RAET1L: variants seen among roughly 807,000 people sequenced by gnomAD.
RAET1L encodes the protein UL16-binding protein 6.
RAET1L carries 16 observed loss-of-function variants against 23.9 expected under a neutral mutation model. The observed-to-expected ratio is 0.67, with a 90% CI of 0.45 to 1.02. RAET1L has a LOEUF of 1.02. Among genes scored for constraint, RAET1L ranks in the 50% least tolerant of loss-of-function variants. The pLI is 0.00. For missense variants in RAET1L, 233 were observed against 304.0 expected, an observed-to-expected ratio of 0.77 and a Z score of 1.74; for synonymous variants, 70 against 111.2, an observed-to-expected ratio of 0.63 and a Z score of 2.33.
intron 2 of RAET1L, among the ~76,000 whole-genome samples, 175 bp downstream of exon 2, chr6:150,021,805 G>A (rs890899204): frequency 2.6e-5 from 4 of 151,912 alleles, no homozygotes; most frequent in African/African-American, 9.7e-5. Context: ...ATGTTGGTCA[G>A]GCGGTCTCGA....
intron 3 of RAET1L, among the ~76,000 whole-genome samples, chr6:150,020,649 G>A (rs1261332411): frequency 6.6e-6 from 1 of 152,152 alleles, no homozygotes; most frequent in East Asian, 1.9e-4. Flanking sequence ...GACACCTGCA[G>A]TTTCAAGGCT....
intron 1 of RAET1L, among the ~76,000 whole-genome samples, chr6:150,023,503 C>T (rs1374705197): frequency 6.6e-6 from 1 of 152,134 alleles, no homozygotes; most frequent in Non-Finnish European, 1.5e-5. Context: ...ATATTTATGG[C>T]CAATAGAGTT....
At chr6:150,019,231 G>GATGTT (rs1779857757) in intron 4 of RAET1L, among the ~76,000 whole-genome samples, 2 of 152,212 alleles carry the variant, frequency 1.3e-5, no homozygotes, top group African/African-American at 2.4e-5. Context: ...GGCCTTTGGT[G>GATGTT]GGCCTGCAGG....
At chr6:150,019,941 C>A (rs1237351053) in intron 4 of RAET1L, among the ~76,000 whole-genome samples, 167 bp downstream of exon 4, 1 of 122,184 alleles carries the variant, frequency 8.2e-6, no homozygotes, top group Admixed American at 7.9e-5. Context: ...CTGCCCAGGT[C>A]ATTGCCAACA....
At position 150,018,443 on chromosome 6, in the gene RAET1L, C is replaced by A. The variant is rs1490086830; in HGVS notation, c.*435G>T. The A allele has an allele frequency of 6.6e-6, 1 of 152,224 alleles. No individual in the cohort carries two copies. The highest frequency in any genetic ancestry group is 2.4e-5 in the African/African-American group (1 of 41,464). 9.4% of individuals were successfully genotyped at this position (152,224 alleles called of 1,614,324 possible). ...TCTTATTAAATAATTAAACAATTCT[C>A]TTTCAGGACATGGAAAGAATCCCTG... On this transcript the variant is annotated 3_prime_UTR_variant, in exon 5 of 5. Transcript: ENST00000367341.
chr6:150,019,716 G>T (rs1779863501), intron 4 of RAET1L, among the ~76,000 whole-genome samples: 1 of 143,592 alleles, frequency 7.0e-6, no homozygotes. Flanking sequence ...CTCATGTAAA[G>T]CTACCATGAT....
intron 1 of RAET1L, among the ~76,000 whole-genome samples, chr6:150,022,788 A>C (rs1270883452): frequency 8.9e-6 from 1 of 112,950 alleles, no homozygotes; most frequent in Non-Finnish European, 2.0e-5. Flanking sequence ...GAAACCTTGG[A>C]CAAAGAGATG....
chr6:150,021,239 A>G, intron 2 of RAET1L, 53 bp from the exon 3 acceptor site: 3 of 1,557,162 alleles, frequency 1.9e-6, no homozygotes, highest in Non-Finnish European at 2.6e-6. Flanking sequence ...TTGCACCCCC[A>G]TCCTGTTCCC....
At position 150,025,460 on chromosome 6, in the gene RAET1L, G is replaced by A. The variant is rs376111192; in HGVS notation, c.12C>T (p.Ala4=). The change falls in exon 1 of 5, where the codon GCC becomes GCT. Residue 4 remains alanine (A), a synonymous_variant. Coordinates refer to ENST00000367341, the MANE Select transcript of RAET1L (RefSeq NM_130900.3). The stretch of plus-strand genomic sequence containing the variant: ...GGCACAGAAGCAAAGCTGGGATGGC[G>A]GCTGCTGCCATTGGGGACCAGGAGG... MAA[A]AIPALLLCLP... 3.7e-6 allele frequency: 6 copies of A among 1,613,952 alleles called. No homozygotes were observed. Among genetic ancestry groups the A allele is most frequent in the South Asian group, 3.3e-5 (3 of 91,082 alleles).
intron 3 of RAET1L, 86 bp from the exon 4 acceptor site, chr6:150,020,325 T>C: frequency 6.3e-7 from 1 of 1,576,934 alleles, no homozygotes; most frequent in South Asian, 1.1e-5. Flanking sequence ...CCCTAGGTCA[T>C]CCTGGAAGGC....
At chr6:150,022,423 AAGG>A (rs542601643) in intron 1 of RAET1L, among the ~76,000 whole-genome samples, 180 bp from the exon 2 acceptor site, 1,250 of 71,806 alleles carry the variant, frequency 0.017, 65 homozygotes, top group African/African-American at 0.051. Context: ...GCATGAGGAC[AAGG>A]AGGAGGAGGA....
At position 150,025,496 on chromosome 6, in the gene RAET1L, A is replaced by G. The variant is rs1775878792; in HGVS notation, c.-25T>C. On this transcript the variant is annotated 5_prime_UTR_variant, in exon 1 of 5. Coordinates refer to ENST00000367341, the MANE Select transcript of RAET1L (RefSeq NM_130900.3). ...TTGGGGACCAGGAGGGCTGGGGACAAGAGATTTAATCAAGGTGGATCCTGG... is the reference window on the plus strand; with the variant it reads ...TTGGGGACCAGGAGGGCTGGGGACAGGAGATTTAATCAAGGTGGATCCTGG... 1 of 1,593,872 alleles carries G rather than the reference A, an allele frequency of 6.3e-7. No homozygotes were observed. The highest frequency in any genetic ancestry group is 1.3e-5 in the African/African-American group (1 of 74,622).
intron 1 of RAET1L, among the ~76,000 whole-genome samples, chr6:150,023,464 A>G (rs1779910569): frequency 6.6e-6 from 1 of 152,180 alleles, no homozygotes; most frequent in African/African-American, 2.4e-5. Context: ...TGCAGCCAGG[A>G]CAGTGAGTCC....
chr6:150,023,581 C>T (rs1294906662), intron 1 of RAET1L, among the ~76,000 whole-genome samples: 2 of 152,180 alleles, frequency 1.3e-5, no homozygotes, highest in Non-Finnish European at 2.9e-5. Context: ...TGTAACTACT[C>T]AACTCTGCTG....
chr6:150,021,018 T>G lies in RAET1L; in HGVS notation c.518A>C (p.Glu173Ala). 6.2e-7 allele frequency: 1 copy of G among 1,614,196 alleles called. No homozygotes were observed. The highest frequency in any genetic ancestry group is 1.1e-5 in the South Asian group (1 of 91,070). Reference protein sequence around the residue: ...PGARKMKEKWENDKDVAMSFH... With the variant: ...PGARKMKEKWANDKDVAMSFH... ...GGACATGGCCACATCCTTGTCATTC[T>G]CCCACTTTTCTTTCATCTTTCTGGC... The change falls in exon 3 of 5, where the codon GAG becomes GCG. Residue 173 changes from glutamate (E) to alanine (A), a missense_variant. This residue lies in a region of RAET1L where 139 missense variants were observed against 125.3 expected (regional missense o/e 1.11). Coordinates refer to ENST00000367341, the MANE Select transcript of RAET1L (RefSeq NM_130900.3).
At chr6:150,024,960 G>T (rs926893847) in intron 1 of RAET1L, among the ~76,000 whole-genome samples, 1 of 152,140 alleles carries the variant, frequency 6.6e-6, no homozygotes, top group African/African-American at 2.4e-5. Flanking sequence ...TAGAGAGCAG[G>T]TGAGAGCAGA....
chr6:150,025,103 T>C (rs1775866778), intron 1 of RAET1L, among the ~76,000 whole-genome samples: 1 of 152,140 alleles, frequency 6.6e-6, no homozygotes, highest in Non-Finnish European at 1.5e-5. Flanking sequence ...ACTGCCGGGC[T>C]GCACTAGGAA....
intron 1 of RAET1L, 85 bp from the exon 2 acceptor site, chr6:150,022,328 C>T: frequency 4.0e-6 from 4 of 1,009,934 alleles, no homozygotes; most frequent in Non-Finnish European, 5.6e-6. Flanking sequence ...TAAGAGGATG[C>T]CTCTGGCAGG....
intron 4 of RAET1L, 110 bp downstream of exon 4, chr6:150,019,998 A>G (rs1218444018): frequency 1.0e-5 from 5 of 492,026 alleles, no homozygotes; most frequent in Non-Finnish European, 1.9e-5. Flanking sequence ...TCATGTTAGG[A>G]TGAGAAGGTC....
Sources: gnomAD v4.1 joint callset for allele counts (sites outside exome capture counted in the v4.1 genomes callset) on GRCh38, gnomAD v4.1.1 for gene constraint, gnomAD v4.1.1 regional missense constraint, MANE v1.5 for transcripts, NCBI Gene and HGNC (gene_info 2026-07-23, HGNC 2026-07-21) for gene names.